Variants in ATP10B observed in about 807,000 individuals in gnomAD.
ATP10B encodes phospholipid-transporting ATPase VB.
ATP10B carries 122 observed loss-of-function variants against 141.2 expected under a neutral mutation model. The ratio of observed to expected loss-of-function variants is 0.86; its 90% CI spans 0.75 to 1.00. ATP10B has a LOEUF of 1.00. Among genes scored for constraint, ATP10B ranks in the 50% least tolerant of loss-of-function variants. The pLI, the probability that ATP10B is intolerant of heterozygous loss-of-function variation, is 0.00. For missense variants in ATP10B, 1,876 were observed against 1,825.3 expected (o/e 1.03, Z -0.51); for synonymous variants, 685 against 692.0 (o/e 0.99, Z 0.16).
chr5:160,722,473 C>T (rs905292233), intron 2 of ATP10B, among the ~76,000 whole-genome samples: 3 of 152,144 alleles, frequency 2.0e-5, no homozygotes, highest in Non-Finnish European at 4.4e-5. Flanking sequence ...GACTTGGTTG[C>T]TACCTTAGCT....
chr5:160,895,905 C>T, the ATP10B span, among the ~76,000 whole-genome samples: 1 of 152,062 alleles, frequency 6.6e-6, no homozygotes, highest in African/African-American at 2.4e-5. Flanking sequence ...CCCTCAAAAC[C>T]ACACAACAAA....
At chr5:160,663,212 A>G (rs1762065181) in intron 7 of ATP10B, among the ~76,000 whole-genome samples, 2 of 152,214 alleles carry the variant, frequency 1.3e-5, no homozygotes, top group South Asian at 4.1e-4. Flanking sequence ...TAGTTCAACC[A>G]TTGTGGAAGT....
chr5:160,844,343 C>A (rs1348525722), intron 1 of ATP10B, among the ~76,000 whole-genome samples: 1 of 152,124 alleles, frequency 6.6e-6, no homozygotes, highest in Non-Finnish European at 1.5e-5. Context: ...GTGGTGTACT[C>A]ACATGATAGA....
the ATP10B span, among the ~76,000 whole-genome samples, chr5:160,889,607 A>G: frequency 6.6e-6 from 1 of 152,220 alleles, no homozygotes; most frequent in Non-Finnish European, 1.5e-5. Context: ...AAGACACATC[A>G]GTGGGCACAA....
At chr5:160,622,164 G>C (rs1758382145) in intron 14 of ATP10B, among the ~76,000 whole-genome samples, 1 of 152,206 alleles carries the variant, frequency 6.6e-6, no homozygotes, top group Non-Finnish European at 1.5e-5. Flanking sequence ...GACAAAGTTT[G>C]AAAGCTACAC....
intron 13 of ATP10B, among the ~76,000 whole-genome samples, chr5:160,624,910 A>G (rs1758534892): frequency 6.6e-6 from 1 of 152,208 alleles, no homozygotes; most frequent in South Asian, 2.1e-4. Context: ...TTCTAAAACC[A>G]GATTCCAGGG....
chr5:160,577,243 T>C (rs1755249193), intron 24 of ATP10B, among the ~76,000 whole-genome samples: 1 of 152,222 alleles, frequency 6.6e-6, no homozygotes, highest in Non-Finnish European at 1.5e-5. Flanking sequence ...TTCATCTTTC[T>C]GCTCTGGGAT....
chr5:160,622,520 C>G lies in ATP10B; in HGVS notation c.1686G>C (p.Glu562Asp). ...TKVRDAALWL[E>D]TLSDSRPAKA... ...TGGCAGGTCTGCTGTCTGACAAGGT[C>G]TCCAACCACAGGGCAGCATCTCGAA... is the stretch of plus-strand genomic sequence containing the variant. The change falls in exon 14 of 26, where the codon GAG becomes GAC. Residue 562 changes from glutamate to aspartate, a missense_variant. Glu to Asp is a conservative substitution (Grantham distance 45, BLOSUM62 2). Transcript: ENST00000327245. The G allele has an allele frequency of 6.2e-7, 1 of 1,614,106 alleles. No individual in the cohort carries two copies. Among genetic ancestry groups the G allele is most frequent in the Non-Finnish European group, 8.5e-7 (1 of 1,180,008 alleles).
the ATP10B span, among the ~76,000 whole-genome samples, chr5:160,878,590 G>T: frequency 6.6e-6 from 1 of 151,632 alleles, no homozygotes; most frequent in South Asian, 2.1e-4. Context: ...CCGTCAGAGC[G>T]AACAGGCAAC....
intron 2 of ATP10B, among the ~76,000 whole-genome samples, chr5:160,722,277 G>A (rs904843204): frequency 6.6e-6 from 1 of 152,078 alleles, no homozygotes; most frequent in Non-Finnish European, 1.5e-5. Flanking sequence ...TCTATACAAA[G>A]ACTAAGAACC....
rs1206939853 is a variant in ATP10B, at chr5:160,653,076, AGTGT to A, written c.676-3824_676-3821del. On this transcript the variant is annotated intron_variant, in intron 7 of 25. Transcript: ENST00000327245. Reference sequence around the variant, plus strand: ...ATTATGTATATATTTATGTATATATAGTGTATATATTATATATACACGTGTATAT... The same window carrying A: ...ATTATGTATATATTTATGTATATATAATATATTATATATACACGTGTATAT... Among the ~76,000 whole-genome samples the A allele has an allele frequency of 1.7e-4, 20 of 119,104 alleles. No homozygotes were observed. The South Asian group carries it at 2.6e-3, about 15-fold the overall frequency. 78.1% of individuals were successfully genotyped at this position (119,104 alleles called of 152,430 possible).
At chr5:160,636,438 T>C (rs1759377713) in intron 10 of ATP10B, 129 bp from the exon 11 acceptor site, 3 of 928,442 alleles carry the variant, frequency 3.2e-6, no homozygotes, top group Non-Finnish European at 4.8e-6. Flanking sequence ...TTCCATACAA[T>C]GTAGCTCTGT....
chr5:160,890,818 G>A, the ATP10B span, among the ~76,000 whole-genome samples: 10 of 152,142 alleles, frequency 6.6e-5, no homozygotes, highest in African/African-American at 2.4e-4. Context: ...GAGTACAAGT[G>A]ATCTTCCCAG....
chr5:160,847,871 T>C (rs190191181), intron 1 of ATP10B, among the ~76,000 whole-genome samples: 2 of 152,324 alleles, frequency 1.3e-5, no homozygotes, highest in East Asian at 3.9e-4. Context: ...AGTGTCGGTA[T>C]TGCTTTAAGT....
chr5:160,844,958 T>C (rs1350906237), intron 1 of ATP10B, among the ~76,000 whole-genome samples: 1 of 152,236 alleles, frequency 6.6e-6, no homozygotes, highest in Non-Finnish European at 1.5e-5. Flanking sequence ...ATAGGATTTG[T>C]GTGCCTGTTG....
At chr5:160,706,163 C>T (rs1369965128) in intron 3 of ATP10B, among the ~76,000 whole-genome samples, 2 of 152,194 alleles carry the variant, frequency 1.3e-5, no homozygotes, top group African/African-American at 2.4e-5. Flanking sequence ...TCACAAACCA[C>T]TATACCAGGT....
intron 1 of ATP10B, among the ~76,000 whole-genome samples, chr5:160,816,876 A>T (rs910300963): frequency 3.9e-5 from 6 of 152,256 alleles, no homozygotes; most frequent in African/African-American, 4.8e-5. Flanking sequence ...GTAATCCAGC[A>T]TATAAACAGA....
At chr5:160,690,713 C>T (rs952065819) in intron 3 of ATP10B, among the ~76,000 whole-genome samples, 28 of 152,164 alleles carry the variant, frequency 1.8e-4, no homozygotes, top group African/African-American at 6.8e-4. Flanking sequence ...ACAACAGATA[C>T]TGGAGAGGAT....
At chr5:160,664,755 C>T (rs191236932) in intron 7 of ATP10B, among the ~76,000 whole-genome samples, 82 of 152,280 alleles carry the variant, frequency 5.4e-4, no homozygotes, top group Admixed American at 1.2e-3. Context: ...CTGACCCATG[C>T]TTCAGTGGGA....
Sources: gnomAD v4.1 joint callset for allele counts (sites outside exome capture counted in the v4.1 genomes callset) on GRCh38, gnomAD v4.1.1 for gene constraint, MANE v1.5 for transcripts, NCBI Gene and HGNC (gene_info 2026-07-23, HGNC 2026-07-21) for gene names.